Variants in SMNDC1 observed in about 807,000 individuals in gnomAD.
SMNDC1 encodes survival motor neuron domain containing 1, also known as survival of motor neuron-related-splicing factor 30.
A neutral mutation model predicts 29.2 loss-of-function variants in SMNDC1; 5 were observed. The observed-to-expected ratio is 0.17, with a 90% CI of 0.09 to 0.36. The LOEUF is 0.36. Among genes scored for constraint, SMNDC1 ranks in the 10% least tolerant of loss-of-function variants. SMNDC1 has a pLI of 1.00. For synonymous variants in SMNDC1, 80 were observed against 89.9 expected (o/e 0.89, Z 0.62); for missense variants, 142 against 268.5 (o/e 0.53, Z 3.29).
Position 110,291,379 on chromosome 10 carries a change from A to G in SMNDC1, c.*2771T>C, listed in dbSNP as rs965656223. 1 of 152,220 alleles carries G rather than the reference A, an allele frequency of 6.6e-6. No individual in the cohort carries two copies. Among genetic ancestry groups the G allele is most frequent in the African/African-American group, 2.4e-5 (1 of 41,454 alleles). The allele number at this position is 152,220 out of a possible 1,614,324, so 9.4% of individuals were successfully genotyped here. The stretch of plus-strand genomic sequence containing the variant: ...TCAAACCTTTAACTAGGAATACTAA[A>G]TATACCCTACAGCCTTGGTAATTTG... On this transcript the variant is annotated 3_prime_UTR_variant, in exon 6 of 6. Coordinates refer to ENST00000369603, the MANE Select transcript of SMNDC1 (RefSeq NM_005871.4).
chr10:110,303,623 A>C (rs1434657461), intron 1 of SMNDC1, 36 bp from the exon 2 acceptor site: 9 of 1,537,434 alleles, frequency 5.9e-6, no homozygotes, highest in Non-Finnish European at 6.9e-6. Context: ...CATGAAAACT[A>C]AACCAAAAAT....
At chr10:110,300,526 G>T in intron 2 of SMNDC1, 2 of 978,974 alleles carry the variant, frequency 2.0e-6, no homozygotes, top group Non-Finnish European at 2.4e-6. Context: ...TATGTATGAG[G>T]GGGTTCTTGA....
chr10:110,297,597 T>A lies in SMNDC1; in HGVS notation c.395A>T (p.Lys132Met), dbSNP rs1341388231. 6.2e-7 allele frequency: 1 copy of A among 1,614,002 alleles called. No homozygotes were observed. Among genetic ancestry groups the A allele is most frequent in the South Asian group, 1.1e-5 (1 of 91,068 alleles). Residue 132 changes from lysine (K) to methionine (M), a missense_variant, in exon 4 of 6, where the codon AAG becomes ATG. Physicochemically the swap from Lys to Met is moderately conservative, Grantham distance 95 (BLOSUM62 -1). This residue lies in a region of SMNDC1 where 54 missense variants were observed against 152.1 expected (regional missense o/e 0.36). Coordinates refer to ENST00000369603, the MANE Select transcript of SMNDC1 (RefSeq NM_005871.4). The stretch of plus-strand genomic sequence containing the variant: ...CATGGGTTTGTTGCCACTGTCCTCC[T>A]TTGCCTTCCTTCCTTCTTCTACAGG... ...LKPVEEGRKA[K>M]EDSGNKPMSK...
At position 110,294,307 on chromosome 10, in the gene SMNDC1, A is replaced by T; in HGVS notation, c.580-20T>A. ...CTTTACCTAAGGGAAAGAAAACAGA[A>T]ATCATTCCTGATTAGTGTTGGAAAA... On this transcript the variant is annotated intron_variant, in intron 5 of 5. Coordinates refer to ENST00000369603, the MANE Select transcript of SMNDC1 (RefSeq NM_005871.4). The T allele has an allele frequency of 6.4e-7, 1 of 1,561,246 alleles. No individual in the cohort carries two copies. Among genetic ancestry groups the T allele is most frequent in the Non-Finnish European group, 8.6e-7 (1 of 1,161,418 alleles).
At chr10:110,294,328 GA>G (rs761276780) in intron 5 of SMNDC1, 41 bp from the exon 6 acceptor site, 3 of 1,504,540 alleles carry the variant, frequency 2.0e-6, no homozygotes, top group African/African-American at 1.4e-5. Flanking sequence ...ATTAGTGTTG[GA>G]AAAAATAAAA....
chr10:110,298,421 G>A (rs1857598312), intron 3 of SMNDC1, among the ~76,000 whole-genome samples: 1 of 152,096 alleles, frequency 6.6e-6, no homozygotes, highest in Admixed American at 6.6e-5. Context: ...TCATTGTCCT[G>A]TTTTTCTTTC....
In SMNDC1 at chr10:110,291,831, C is replaced by T. The variant is rs949199720; in HGVS notation, c.*2319G>A. On this transcript the variant is annotated 3_prime_UTR_variant, in exon 6 of 6. Coordinates refer to ENST00000369603, the MANE Select transcript of SMNDC1 (RefSeq NM_005871.4). ...CCACTAAAACTCAACATTTTATTTT[C>T]GGGAGGTTAGGACTGTTCTTTCCTT... 3.9e-5 allele frequency: 6 copies of T among 152,128 alleles called. No individual in the cohort carries two copies. Among genetic ancestry groups the T allele is most frequent in the Admixed American group, 1.3e-4 (2 of 15,260 alleles). The allele number at this position is 152,128 out of a possible 1,614,324, so 9.4% of individuals were successfully genotyped here.
rs148439646 is a variant in SMNDC1 at position 110,296,854 on chromosome 10, C to A, written c.425+713G>T. 6.5e-3 allele frequency among the ~76,000 whole-genome samples: 996 copies of A among 152,254 alleles called. 15 individuals are homozygous for A. Among genetic ancestry groups the A allele is most frequent in the African/African-American group, 0.023 (940 of 41,538 alleles). On this transcript the variant is annotated intron_variant, in intron 4 of 5. Coordinates refer to ENST00000369603, the MANE Select transcript of SMNDC1 (RefSeq NM_005871.4). Reference sequence around the variant, plus strand: ...GTTACTTGTACGTGCTCACCTCCCCCCTTTAAAAAAAATTTACTAAGCTCT... The same window carrying A: ...GTTACTTGTACGTGCTCACCTCCCCACTTTAAAAAAAATTTACTAAGCTCT...
intron 4 of SMNDC1, 87 bp from the exon 5 acceptor site, chr10:110,295,468 ATCT>A: frequency 1.0e-6 from 1 of 991,250 alleles, no homozygotes; most frequent in Non-Finnish European, 1.4e-6. Context: ...CAAAAAAAAA[ATCT>A]AATAAACATA....
At chr10:110,297,993 T>C (rs1341397264) in intron 3 of SMNDC1, among the ~76,000 whole-genome samples, 1 of 152,176 alleles carries the variant, frequency 6.6e-6, no homozygotes, top group Non-Finnish European at 1.5e-5. Flanking sequence ...TAGAGGTTTC[T>C]TTTTTTCTCT....
chr10:110,299,786 T>C (rs1033509849), intron 2 of SMNDC1, among the ~76,000 whole-genome samples: 1 of 152,238 alleles, frequency 6.6e-6, no homozygotes, highest in Non-Finnish European at 1.5e-5. Flanking sequence ...TTGATTCCAG[T>C]AGCCAAGAAA....
intron 2 of SMNDC1, chr10:110,300,620 G>A: frequency 1.0e-6 from 1 of 985,440 alleles, no homozygotes; most frequent in Non-Finnish European, 1.2e-6. Flanking sequence ...AGCAGTTACA[G>A]TAATCGGCAA....
chr10:110,304,372 C>T (rs1359793302), intron 1 of SMNDC1: 1 of 152,328 alleles, frequency 6.6e-6, no homozygotes, highest in South Asian at 2.1e-4. Context: ...CCAGGCTGCT[C>T]TCCTCCCCGC....
intron 2 of SMNDC1, among the ~76,000 whole-genome samples, chr10:110,302,556 A>T (rs1223431263): frequency 1.3e-5 from 2 of 152,202 alleles, no homozygotes; most frequent in African/African-American, 4.8e-5. Flanking sequence ...TTTAACGGGC[A>T]GTGGGATAAT....
chr10:110,303,638 G>A (rs572055704), intron 1 of SMNDC1, 51 bp from the exon 2 acceptor site: 2 of 1,532,166 alleles, frequency 1.3e-6, no homozygotes, highest in Admixed American at 5.0e-5. Context: ...AAAAATCAAG[G>A]CATAAAAAAC....
In SMNDC1 at chr10:110,291,402, T is replaced by C. The variant is rs1316522712; in HGVS notation, c.*2748A>G. 2 of 152,236 alleles carry C rather than the reference T, an allele frequency of 1.3e-5. No individual in the cohort carries two copies. The highest frequency in any genetic ancestry group is 2.9e-5 in the Non-Finnish European group (2 of 68,044). The allele number at this position is 152,236 out of a possible 1,614,324, so 9.4% of individuals were successfully genotyped here. A position where few individuals can be genotyped will look rare whatever the true frequency, so the allele number is the denominator to read the frequency against. On this transcript the variant is annotated 3_prime_UTR_variant, in exon 6 of 6. Transcript: ENST00000369603. ...AAATATACCCTACAGCCTTGGTAAT[T>C]TGATAACACTTCAATAATACAGTTA...
At chr10:110,301,271 C>T (rs1323878811) in intron 2 of SMNDC1, among the ~76,000 whole-genome samples, 2 of 139,414 alleles carry the variant, frequency 1.4e-5, no homozygotes, top group Non-Finnish European at 3.3e-5. Flanking sequence ...AGGGGGGGAA[C>T]CCCACAGCAA....
chr10:110,302,858 A>G (rs1365886323), intron 2 of SMNDC1, among the ~76,000 whole-genome samples: 3 of 152,230 alleles, frequency 2.0e-5, no homozygotes, highest in Non-Finnish European at 4.4e-5. Context: ...ACCATGACAA[A>G]GATCTCCTTT....
chr10:110,298,823 T>C (rs1257510841), intron 2 of SMNDC1, 33 bp from the exon 3 acceptor site: 1 of 1,535,928 alleles, frequency 6.5e-7, no homozygotes, highest in Non-Finnish European at 8.9e-7. Flanking sequence ...ACAACATTAT[T>C]TTTATAATTC....
Sources: allele counts gnomAD v4.1 joint callset (sites outside exome capture counted in the v4.1 genomes callset), GRCh38; gene constraint gnomAD v4.1.1; regional missense constraint gnomAD v4.1.1; transcripts MANE v1.5; gene names NCBI Gene and HGNC (gene_info 2026-07-23, HGNC 2026-07-21).